The following OCLN variants were observed in gnomAD, a reference collection of about 807,000 sequenced individuals.
OCLN encodes phosphatase 1, regulatory subunit 115.
In OCLN, 21 loss-of-function variants were observed where a neutral mutation model predicts 47.9. That is an observed-to-expected ratio of 0.44 (90% CI 0.31 to 0.63). The LOEUF (loss-of-function observed/expected upper bound fraction) is 0.63, where lower values mean the gene tolerates loss of function less well. Ranked by LOEUF, OCLN falls within the 30% of genes least tolerant of loss-of-function variation. OCLN has a pLI of 0.08. For missense variants in OCLN, 360 were observed against 571.0 expected (o/e 0.63, Z 3.77); for synonymous variants, 117 against 198.4 (o/e 0.59, Z 3.45).
chr5:69,524,940 G>A (rs1769236256), intron 4 of OCLN, among the ~76,000 whole-genome samples: 1 of 152,058 alleles, frequency 6.6e-6, no homozygotes, highest in African/African-American at 2.4e-5. Context: ...ACCTGCCTTG[G>A]CCTCCCAAAG....
chr5:69,497,058 C>A (rs530813436), intron 1 of OCLN, among the ~76,000 whole-genome samples: 66 of 152,244 alleles, frequency 4.3e-4, no homozygotes, highest in African/African-American at 1.6e-3. Context: ...GTCACAGATT[C>A]ACTTTGAAAG....
At chr5:69,522,894 C>CTTTTTTTT (rs60505522) in intron 4 of OCLN, among the ~76,000 whole-genome samples, 1 of 116,888 alleles carries the variant, frequency 8.6e-6, no homozygotes, top group Non-Finnish European at 1.7e-5. Flanking sequence ...GCCTGGCTGA[C>CTTTTTTTT]TTTTTTTTTT....
chr5:69,506,529 G>T (rs1323514451), intron 2 of OCLN, among the ~76,000 whole-genome samples: 1 of 152,160 alleles, frequency 6.6e-6, no homozygotes, highest in East Asian at 1.9e-4. Flanking sequence ...TTAAGCTTCA[G>T]CCCCTCTTTC....
intron 7 of OCLN, among the ~76,000 whole-genome samples, chr5:69,549,938 A>C (rs1580597036): frequency 6.7e-6 from 1 of 149,908 alleles, no homozygotes; most frequent in Non-Finnish European, 1.5e-5. Context: ...AAACAAAAAA[A>C]CTTCCTTGCA....
At chr5:69,505,530 C>G (rs1008776264) in intron 2 of OCLN, among the ~76,000 whole-genome samples, 21 of 152,154 alleles carry the variant, frequency 1.4e-4, no homozygotes, top group African/African-American at 5.1e-4. Flanking sequence ...GGAGAAATCA[C>G]GTAATATGTG....
chr5:69,549,325 A>T (rs1769794483), intron 7 of OCLN, among the ~76,000 whole-genome samples: 1 of 91,494 alleles, frequency 1.1e-5, no homozygotes. Context: ...TGAGTGACAG[A>T]GTGAGACTCC....
At chr5:69,522,808 G>C (rs182958662) in intron 4 of OCLN, among the ~76,000 whole-genome samples, 377 of 151,230 alleles carry the variant, frequency 2.5e-3, no homozygotes, top group African/African-American at 8.8e-3. Context: ...GCTTACTACA[G>C]CCTTGACTGC....
rs1440894754 is a variant in OCLN, at chr5:69,514,088, G to GCC, written c.875_876dup (p.Asn293ProfsTer40). On this transcript the variant is annotated frameshift_variant, in exon 4 of 9. Coordinates refer to ENST00000396442, the MANE Select transcript of OCLN (RefSeq NM_001205254.2). LOFTEE classifies it high-confidence loss of function. The stretch of plus-strand genomic sequence containing the variant: ...ACAAGGAACACATTTATGATGAGCA[G>GCC]CCCCCCAATGTCGAGGAGTGGGTAA... The GCC allele has an allele frequency of 1.2e-6, 2 of 1,613,936 alleles. No individual in the cohort carries two copies. The highest frequency in any genetic ancestry group is 2.7e-5 in the African/African-American group (2 of 74,916).
In OCLN at chr5:69,509,828, G is replaced by A; in HGVS notation, c.729+9G>A. The A allele has an allele frequency of 2.5e-6, 4 of 1,610,552 alleles. No individual in the cohort carries two copies. Among genetic ancestry groups the A allele is most frequent in the African/African-American group, 1.3e-5 (1 of 74,948 alleles). ...TTGTGGATCCCCAGGAGGTATGAGT[G>A]GTGTTTTGGGTTTTTTCTCCATCTC... On this transcript the variant is annotated intron_variant, in intron 3 of 8. Transcript: ENST00000396442.
intron 4 of OCLN, among the ~76,000 whole-genome samples, chr5:69,518,891 C>T (rs1033364308): frequency 2.0e-5 from 3 of 152,144 alleles, no homozygotes; most frequent in Non-Finnish European, 4.4e-5. Flanking sequence ...TCTGTAATCC[C>T]AGTACTTGCG....
chr5:69,523,299 G>A (rs944183474), intron 4 of OCLN, among the ~76,000 whole-genome samples: 1 of 151,856 alleles, frequency 6.6e-6, no homozygotes, highest in African/African-American at 2.4e-5. Context: ...ACACATTTTG[G>A]CCAGCATAAT....
chr5:69,506,116 G>C (rs183228911), intron 2 of OCLN, among the ~76,000 whole-genome samples: 2 of 152,092 alleles, frequency 1.3e-5, no homozygotes, highest in Admixed American at 6.6e-5. Flanking sequence ...CAGAACTCAG[G>C]GAAACAGTAC....
chr5:69,520,879 G>A lies in OCLN; in HGVS notation c.891+6770G>A, dbSNP rs189128425. On this transcript the variant is annotated intron_variant, in intron 4 of 8. Coordinates refer to ENST00000396442, the MANE Select transcript of OCLN (RefSeq NM_001205254.2). The stretch of plus-strand genomic sequence containing the variant: ...GATTTTTGTTTTGAGATGGAGTCTC[G>A]CTCTGTCACCCAGGCTGGAGTGCAA... 2.5e-3 allele frequency among the ~76,000 whole-genome samples: 381 copies of A among 152,014 alleles called. 8 individuals carry two copies. Among genetic ancestry groups the A allele is most frequent in the Non-Finnish European group, 7.5e-4 (51 of 67,976 alleles).
chr5:69,537,399 A>AT (rs1294916760), intron 5 of OCLN, among the ~76,000 whole-genome samples: 13 of 24,176 alleles, frequency 5.4e-4, no homozygotes, highest in African/African-American at 1.4e-3. Context: ...ATTTTTTTCT[A>AT]TTTTTTTTTG....
intron 5 of OCLN, among the ~76,000 whole-genome samples, chr5:69,538,192 C>CT (rs1474802816): frequency 2.7e-5 from 4 of 150,836 alleles, no homozygotes; most frequent in South Asian, 2.1e-4. Context: ...TTCTAGAACT[C>CT]TAAGTTCCTT....
intron 7 of OCLN, among the ~76,000 whole-genome samples, chr5:69,549,926 A>AG (rs1769818195): frequency 6.6e-6 from 1 of 150,796 alleles, no homozygotes; most frequent in Admixed American, 6.6e-5. Context: ...TAAAAAAAAA[A>AG]CAAACAAAAA....
chr5:69,497,385 ATTTTTTTT>A (rs373562576), intron 1 of OCLN, among the ~76,000 whole-genome samples: 1 of 116,316 alleles, frequency 8.6e-6, no homozygotes, highest in Admixed American at 1.0e-4. Context: ...GTTTTTCTAG[ATTTTTTTT>A]TTTTTTTTTT....
chr5:69,518,517 A>G (rs1318058162), intron 4 of OCLN, among the ~76,000 whole-genome samples: 1 of 152,150 alleles, frequency 6.6e-6, no homozygotes, highest in Non-Finnish European at 1.5e-5. Context: ...GCCCAAGTTC[A>G]TGTCGCGGAA....
intron 4 of OCLN, among the ~76,000 whole-genome samples, chr5:69,533,486 A>G (rs992221977): frequency 6.6e-6 from 1 of 151,384 alleles, no homozygotes. Context: ...TATGGTGCCC[A>G]GTGTGTAGCA....
Sources: gnomAD v4.1 joint callset for allele counts (sites outside exome capture counted in the v4.1 genomes callset) on GRCh38, gnomAD v4.1.1 for gene constraint, MANE v1.5 for transcripts, NCBI Gene and HGNC (gene_info 2026-07-23, HGNC 2026-07-21) for gene names.